The following VPS4B variants were observed in gnomAD, a reference collection of about 807,000 sequenced individuals.
The protein encoded by VPS4B is vacuolar protein sorting-associated protein 4B.
Under a neutral mutation model 56.1 loss-of-function variants are expected in VPS4B, and 23 were observed. That is an observed-to-expected ratio of 0.41 (90% confidence interval 0.30 to 0.58). The LOEUF (loss-of-function observed/expected upper bound fraction) is 0.58. VPS4B is among the 20% of genes least tolerant of loss of function. The pLI, the probability that VPS4B is intolerant of heterozygous loss-of-function variation, is 0.29. For synonymous variants in VPS4B, 177 were observed against 186.0 expected (o/e 0.95, Z 0.39); for missense variants, 372 against 531.9 (o/e 0.70, Z 2.96).
chr18:63,396,762 G>A (rs1915677079), intron 9 of VPS4B: 1 of 378,150 alleles, frequency 2.6e-6, no homozygotes, highest in South Asian at 3.0e-5. Context: ...GCCGAGGTGG[G>A]TGGATCACCT....
At chr18:63,394,626 C>T (rs868064555) in intron 9 of VPS4B, among the ~76,000 whole-genome samples, 11 of 152,130 alleles carry the variant, frequency 7.2e-5, no homozygotes, top group African/African-American at 2.4e-4. Flanking sequence ...GCCCTGACGC[C>T]GAGCTAATTT....
intron 2 of VPS4B, among the ~76,000 whole-genome samples, chr18:63,410,904 C>A (rs1395805013): frequency 6.6e-6 from 1 of 152,136 alleles, no homozygotes; most frequent in Non-Finnish European, 1.5e-5. Context: ...CTGTGTAATA[C>A]CAACATCGTA....
At position 63,413,687 on chromosome 18, in the gene VPS4B, T is replaced by C. The variant is rs533629731; in HGVS notation, c.28-2109A>G. Among the ~76,000 whole-genome samples the C allele has an allele frequency of 1.1e-3, 162 of 152,222 alleles. 1 individual carries two copies. Among genetic ancestry groups the C allele is most frequent in the African/African-American group, 3.7e-3 (154 of 41,518 alleles). On this transcript the variant is annotated intron_variant, in intron 1 of 10. Transcript: ENST00000238497. ...AAAAAAAATGAAAATTGACAGTTGT[T>C]AGAGATATTAAAAAGTAAGTATATA...
chr18:63,400,301 T>C, intron 6 of VPS4B, 105 bp from the exon 7 acceptor site: 1 of 1,266,398 alleles, frequency 7.9e-7, no homozygotes, highest in South Asian at 1.6e-5. Context: ...AGCCTAATCA[T>C]GTTTCAGGTA....
At chr18:63,392,581 T>A (rs556826557) in intron 10 of VPS4B, among the ~76,000 whole-genome samples, 75 of 151,804 alleles carry the variant, frequency 4.9e-4, no homozygotes, top group African/African-American at 1.8e-3. Flanking sequence ...CCCAAGTAGC[T>A]GGGACTACAC....
chr18:63,408,499 C>A (rs1261320174), intron 3 of VPS4B, among the ~76,000 whole-genome samples: 1 of 152,178 alleles, frequency 6.6e-6, no homozygotes, highest in Non-Finnish European at 1.5e-5. Flanking sequence ...TTCTCATCTC[C>A]CTTGTAGCTA....
intron 5 of VPS4B, among the ~76,000 whole-genome samples, chr18:63,400,974 T>C (rs990564752): frequency 1.3e-5 from 2 of 152,240 alleles, no homozygotes; most frequent in Non-Finnish European, 2.9e-5. Flanking sequence ...AACCGTAACA[T>C]GTGCACAGGC....
intron 5 of VPS4B, among the ~76,000 whole-genome samples, chr18:63,400,944 A>T (rs994221618): frequency 2.6e-5 from 4 of 152,220 alleles, no homozygotes; most frequent in Non-Finnish European, 4.4e-5. Flanking sequence ...TTGCTCATTC[A>T]TTCAACCAAT....
chr18:63,399,430 C>T (rs1915761597), intron 7 of VPS4B, 107 bp from the exon 8 acceptor site: 2 of 934,028 alleles, frequency 2.1e-6, no homozygotes, highest in Non-Finnish European at 3.3e-6. Flanking sequence ...TAAAGTGCTT[C>T]ATCTTGAGAG....
chr18:63,420,233 G>A (rs1211119718), intron 1 of VPS4B, among the ~76,000 whole-genome samples: 2 of 152,142 alleles, frequency 1.3e-5, no homozygotes, highest in Non-Finnish European at 2.9e-5. Flanking sequence ...GATCACTTGA[G>A]GTCAGGAGTT....
Position 63,422,359 on chromosome 18 carries a change from G to T in VPS4B, c.-100C>A. 8.2e-7 allele frequency: 1 copy of T among 1,217,842 alleles called. No homozygotes were observed. The highest frequency in any genetic ancestry group is 1.1e-6 in the Non-Finnish European group (1 of 922,682). 75.4% of individuals were successfully genotyped at this position (1,217,842 alleles called of 1,614,324 possible). A position where few individuals can be genotyped will look rare whatever the true frequency, so the allele number is the denominator to read the frequency against. ...GGGGTAACAGCCCTCAAACTGGGGA[G>T]GCCGGTGGTTCTCGGACCGCGAAGG... On this transcript the variant is annotated 5_prime_UTR_variant, in exon 1 of 11. Transcript: ENST00000238497.
Position 63,422,307 on chromosome 18 carries a change from C to G in VPS4B, c.-48G>C. ...CAAGGGAACGAGGGGCGAGGAGAGC[C>G]AACAGCAGCAACGTCGAAGCGCGCA... On this transcript the variant is annotated 5_prime_UTR_variant, in exon 1 of 11. Coordinates refer to ENST00000238497, the MANE Select transcript of VPS4B (RefSeq NM_004869.4). 6.9e-7 allele frequency: 1 copy of G among 1,454,870 alleles called. No homozygotes were observed. The allele number at this position is 1,454,870 out of a possible 1,614,324, so 90.1% of individuals were successfully genotyped here. A position where few individuals can be genotyped will look rare whatever the true frequency, so the allele number is the denominator to read the frequency against.
chr18:63,408,015 G>A (rs1915956602), intron 3 of VPS4B, among the ~76,000 whole-genome samples: 1 of 152,184 alleles, frequency 6.6e-6, no homozygotes, highest in African/African-American at 2.4e-5. Flanking sequence ...GAACAAGTAG[G>A]TCGATCAAGG....
At chr18:63,402,971 A>G (rs1915844157) in intron 5 of VPS4B, among the ~76,000 whole-genome samples, 1 of 152,218 alleles carries the variant, frequency 6.6e-6, no homozygotes, top group African/African-American at 2.4e-5. Context: ...GGGTGTGGCC[A>G]TATTACAGTC....
At position 63,390,333 on chromosome 18, in the gene VPS4B, C is replaced by CA. The variant is rs1222387405; in HGVS notation, c.*641dup. ...AGGTGATCCACCCATCGTAGCCTCC[C>CA]AAAGTGCTGGGATTACAGGCATAAG... On this transcript the variant is annotated 3_prime_UTR_variant, in exon 11 of 11. Transcript: ENST00000238497. 6.6e-6 allele frequency: 1 copy of CA among 152,614 alleles called. No homozygotes were observed. The highest frequency in any genetic ancestry group is 1.9e-4 in the East Asian group (1 of 5,198). 9.5% of individuals were successfully genotyped at this position (152,614 alleles called of 1,614,324 possible). A position where few individuals can be genotyped will look rare whatever the true frequency, so the allele number is the denominator to read the frequency against.
intron 7 of VPS4B, among the ~76,000 whole-genome samples, 166 bp from the exon 8 acceptor site, chr18:63,399,489 A>G (rs560794622): frequency 2.0e-5 from 3 of 152,262 alleles, no homozygotes; most frequent in Non-Finnish European, 2.9e-5. Context: ...CCTTACGGCA[A>G]TATGATCCAA....
intron 4 of VPS4B, among the ~76,000 whole-genome samples, chr18:63,406,899 G>C (rs1915930433): frequency 6.6e-6 from 1 of 152,218 alleles, no homozygotes. Context: ...ATGCCACTGT[G>C]CTATAGTAGA....
Position 63,400,080 on chromosome 18 carries a change from C to T in VPS4B, c.758G>A (p.Arg253Lys). The change falls in exon 7 of 11, where the codon AGA (arginine) becomes AAA (lysine). Residue 253 changes from arginine to lysine, a missense_variant. Physicochemically the swap from Arg to Lys is conservative, Grantham distance 26. Transcript: ENST00000238497. ...RSENESEAAR[R>K]IKTEFLVQMQ... Reference sequence around the variant, plus strand: ...TTGCACTAGGAACTCCGTCTTAATTCTACGTGCGGCTTCACTTTCATTTTC... The same window carrying T: ...TTGCACTAGGAACTCCGTCTTAATTTTACGTGCGGCTTCACTTTCATTTTC... 1 of 1,611,054 alleles carries T rather than the reference C, an allele frequency of 6.2e-7. No homozygotes were observed. Among genetic ancestry groups the T allele is most frequent in the Non-Finnish European group, 8.5e-7 (1 of 1,179,140 alleles).
At chr18:63,414,157 G>A (rs1026082150) in intron 1 of VPS4B, among the ~76,000 whole-genome samples, 24 of 151,372 alleles carry the variant, frequency 1.6e-4, no homozygotes, top group African/African-American at 4.6e-4. Flanking sequence ...CGAGGAGGGC[G>A]GATCACTTGA....
Sources: allele counts gnomAD v4.1 joint callset (sites outside exome capture counted in the v4.1 genomes callset), GRCh38; gene constraint gnomAD v4.1.1; transcripts MANE v1.5; gene names NCBI Gene and HGNC (gene_info 2026-07-23, HGNC 2026-07-21).